Variants in DMD observed in about 807,000 individuals in gnomAD.
DMD encodes dystrophin.
Under a neutral mutation model 330.1 loss-of-function variants are expected in DMD, and 63 were observed. The observed-to-expected ratio is 0.19, with a 90% CI of 0.16 to 0.24. DMD has a LOEUF of 0.24. DMD is among the 10% of genes least tolerant of loss of function. DMD has a pLI of 1.00. For synonymous variants in DMD, 1,223 were observed against 959.8 expected, an observed-to-expected ratio of 1.27 and a Z score of -5.07; for missense variants, 3,344 against 2,684.1, an observed-to-expected ratio of 1.25 and a Z score of -5.43.
intron 17 of DMD, among the ~76,000 whole-genome samples, chrX:32,540,607 A>G (rs747785218): frequency 2.7e-5 from 3 of 112,011 alleles, no homozygotes; most frequent in South Asian, 7.3e-4. Context: ...ATTATATACC[A>G]TTCACTCTCT....
At chrX:31,358,403 C>T (rs768367215) in intron 60 of DMD, among the ~76,000 whole-genome samples, 16 of 111,423 alleles carry the variant, frequency 1.4e-4, no homozygotes, top group African/African-American at 4.6e-4. Flanking sequence ...CTTTCTTTCA[C>T]GAAAGCAAGA....
At chrX:32,457,374 T>G (rs931731284) in intron 25 of DMD, among the ~76,000 whole-genome samples, 1 of 110,779 alleles carries the variant, frequency 9.0e-6, no homozygotes, top group Admixed American at 9.6e-5. Flanking sequence ...ATGGAGAGGT[T>G]GCTAGAGAGA....
intron 44 of DMD, among the ~76,000 whole-genome samples, chrX:32,201,379 A>G (rs1297299506): frequency 9.3e-6 from 1 of 107,083 alleles, no homozygotes. Flanking sequence ...ATTTTGTTCC[A>G]CCACTGTGGA....
chrX:31,578,664 A>T (rs1195572757), intron 55 of DMD, among the ~76,000 whole-genome samples: 1 of 111,992 alleles, frequency 8.9e-6, no homozygotes, highest in Non-Finnish European at 1.9e-5. Context: ...ATGCGCTACC[A>T]GAGCCACTTA....
At chrX:32,890,452 G>A (rs747595679) in intron 2 of DMD, among the ~76,000 whole-genome samples, 3 of 108,827 alleles carry the variant, frequency 2.8e-5, no homozygotes, top group East Asian at 5.9e-4. Flanking sequence ...GTGGGGGAGG[G>A]GGACTCATTA....
intron 7 of DMD, among the ~76,000 whole-genome samples, chrX:32,800,689 G>C: frequency 9.0e-6 from 1 of 110,553 alleles, no homozygotes; most frequent in Non-Finnish European, 1.9e-5. Flanking sequence ...TTCCCCTAAT[G>C]CTATCACTCC....
At chrX:32,470,028 G>C (rs867944401) in intron 22 of DMD, among the ~76,000 whole-genome samples, 3 of 111,375 alleles carry the variant, frequency 2.7e-5, no homozygotes, top group African/African-American at 9.8e-5. Flanking sequence ...TACATTTCCA[G>C]CAGTAAGAGA....
intron 44 of DMD, among the ~76,000 whole-genome samples, chrX:32,141,678 A>AAC (rs56858722): frequency 0.014 from 1,201 of 88,099 alleles, 9 homozygotes; most frequent in South Asian, 0.023. Context: ...TATAGAGTGC[A>AAC]ACACACACAC....
chrX:31,659,318 T>TA (rs1408770703), intron 53 of DMD, among the ~76,000 whole-genome samples: 5 of 110,964 alleles, frequency 4.5e-5, no homozygotes, highest in Non-Finnish European at 9.4e-5. Flanking sequence ...CTATATGACT[T>TA]AAAATCTTCA....
chrX:31,911,894 G>C (rs951359090), intron 47 of DMD, among the ~76,000 whole-genome samples: 4 of 111,688 alleles, frequency 3.6e-5, no homozygotes, highest in African/African-American at 1.3e-4. Flanking sequence ...AATTGGAAAG[G>C]CGAAAAAACT....
chrX:31,275,738 A>G (rs1478741416), intron 62 of DMD, among the ~76,000 whole-genome samples: 1 of 111,491 alleles, frequency 9.0e-6, no homozygotes, highest in Non-Finnish European at 1.9e-5. Flanking sequence ...CTAAGAAAGG[A>G]GCACTGGGAA....
chrX:31,788,491 A>G (rs2091420133), intron 50 of DMD, among the ~76,000 whole-genome samples: 1 of 111,839 alleles, frequency 8.9e-6, no homozygotes, highest in Non-Finnish European at 1.9e-5. Context: ...GTGGCCTAAC[A>G]TATGATCTAC....
At chrX:32,321,843 A>G (rs2097617338) in intron 41 of DMD, among the ~76,000 whole-genome samples, 2 of 111,893 alleles carry the variant, frequency 1.8e-5, no homozygotes, top group South Asian at 7.4e-4. Context: ...GAGAAAGACA[A>G]AGCTGAGAGT....
chrX:31,444,685 T>C, intron 59 of DMD, 58 bp from the exon 60 acceptor site: 9 of 1,151,443 alleles, frequency 7.8e-6, no homozygotes, highest in Non-Finnish European at 1.1e-5. Flanking sequence ...CAAGAAGAAC[T>C]GATACCTGGG....
At chrX:31,884,640 T>C (rs1275515647) in intron 47 of DMD, among the ~76,000 whole-genome samples, 1 of 112,018 alleles carries the variant, frequency 8.9e-6, no homozygotes, top group African/African-American at 3.2e-5. Context: ...ATTTTAAGTG[T>C]TCTTACCACA....
At chrX:32,679,692 A>C (rs2062231151) in intron 9 of DMD, among the ~76,000 whole-genome samples, 1 of 110,031 alleles carries the variant, frequency 9.1e-6, no homozygotes, top group Non-Finnish European at 1.9e-5. Context: ...TATTTTGTTT[A>C]CTGGGGGGTA....
intron 43 of DMD, among the ~76,000 whole-genome samples, chrX:32,276,619 A>G (rs1207076704): frequency 1.8e-5 from 2 of 111,606 alleles, no homozygotes; most frequent in Non-Finnish European, 3.8e-5. Flanking sequence ...CTCTCCAATC[A>G]AGAGAGATAC....
intron 61 of DMD, among the ~76,000 whole-genome samples, chrX:31,332,040 T>C (rs1474607026): frequency 8.9e-6 from 1 of 112,442 alleles, no homozygotes; most frequent in Non-Finnish European, 1.9e-5. Flanking sequence ...CATGTATACC[T>C]TAGCCATGGC....
At chrX:32,352,300 T>G (rs751995462) in intron 37 of DMD, among the ~76,000 whole-genome samples, 1 of 110,826 alleles carries the variant, frequency 9.0e-6, no homozygotes, top group East Asian at 2.8e-4. Flanking sequence ...AGTAGAACTT[T>G]TATAGTAGTG....
Sources: gnomAD v4.1 joint callset for allele counts (sites outside exome capture counted in the v4.1 genomes callset) on GRCh38, gnomAD v4.1.1 for gene constraint, MANE v1.5 for transcripts, NCBI Gene and HGNC (gene_info 2026-07-23, HGNC 2026-07-21) for gene names.